Variants in RAD51B observed in about 807,000 individuals in gnomAD.
RAD51B encodes the protein DNA repair protein RAD51 homolog 2.
A neutral mutation model predicts 42.2 loss-of-function variants in RAD51B; 38 were observed. The observed-to-expected ratio is 0.90, with a 90% CI of 0.70 to 1.18. The LOEUF (loss-of-function observed/expected upper bound fraction) is 1.18. Among genes scored for constraint, RAD51B ranks in the 50% most tolerant of loss-of-function variants. RAD51B has a pLI of 0.00. For synonymous variants in RAD51B, 154 were observed against 145.2 expected (o/e 1.06, Z -0.43); for missense variants, 373 against 400.7 (o/e 0.93, Z 0.59).
rs550759458 is a variant in RAD51B at position 68,167,385 on chromosome 14, C to T, written c.757-124499C>T. Among the ~76,000 whole-genome samples, 19 of 152,288 alleles carry T rather than the reference C, an allele frequency of 1.2e-4. No homozygotes were observed. The East Asian group carries it at 3.3e-3, about 26-fold the overall frequency. ...AACTCCCTCCTTGTATCCCATCATA[C>T]CCTGTATATACTTCTTACATAGTTC... On this transcript the variant is annotated intron_variant, in intron 7 of 10. Coordinates refer to ENST00000471583, the MANE Select transcript of RAD51B (RefSeq NM_133510.4).
At chr14:67,844,813 C>G (rs796193537) in intron 4 of RAD51B, among the ~76,000 whole-genome samples, 9 of 152,102 alleles carry the variant, frequency 5.9e-5, no homozygotes, top group African/African-American at 1.7e-4. Flanking sequence ...TGTTCCCCTT[C>G]AAAAATGATG....
chr14:68,248,512 A>G (rs149874903), intron 7 of RAD51B, among the ~76,000 whole-genome samples: 4 of 151,906 alleles, frequency 2.6e-5, no homozygotes, highest in Non-Finnish European at 5.9e-5. Flanking sequence ...TCATGATTCT[A>G]CTTTTACTCT....
chr14:68,346,829 C>A (rs557125736), intron 8 of RAD51B, among the ~76,000 whole-genome samples: 6 of 152,292 alleles, frequency 3.9e-5, no homozygotes, highest in African/African-American at 1.4e-4. Context: ...TCCCAGTAAA[C>A]ACATACACTA....
chr14:68,248,160 A>G (rs995154019), intron 7 of RAD51B, among the ~76,000 whole-genome samples: 7 of 152,234 alleles, frequency 4.6e-5, no homozygotes, highest in Admixed American at 2.6e-4. Context: ...CAGAAGTAAT[A>G]ATACTTTAAA....
At chr14:68,521,336 G>T (rs868762779) in intron 10 of RAD51B, among the ~76,000 whole-genome samples, 1 of 152,202 alleles carries the variant, frequency 6.6e-6, no homozygotes. Flanking sequence ...GAGCCAGGCA[G>T]GCTGTCTGCA....
chr14:67,820,820 A>C (rs1469857057), intron 1 of RAD51B, among the ~76,000 whole-genome samples: 1 of 152,076 alleles, frequency 6.6e-6, no homozygotes, highest in African/African-American at 2.4e-5. Flanking sequence ...GAGTCCTTTA[A>C]CCTCCACTAC....
In RAD51B at chr14:67,926,558, C is replaced by CTTTT. The variant is rs534207569; in HGVS notation, c.756+39375_756+39378dup. Among the ~76,000 whole-genome samples the CTTTT allele has an allele frequency of 5.5e-3, 472 of 85,124 alleles. 13 individuals carry two copies. The highest frequency in any genetic ancestry group is 7.6e-3 in the Non-Finnish European group (344 of 45,184). 55.8% of individuals were successfully genotyped at this position (85,124 alleles called of 152,430 possible). On this transcript the variant is annotated intron_variant, in intron 7 of 10. Transcript: ENST00000471583. ...TGCCAGTGTTGAAGGGATATGTTTC[C>CTTTT]TTTTTTTTTTTTTTTTTTTTTTTTG...
chr14:67,990,357 A>G (rs1595216701), intron 7 of RAD51B, among the ~76,000 whole-genome samples: 1 of 152,348 alleles, frequency 6.6e-6, no homozygotes, highest in East Asian at 1.9e-4. Context: ...AAAACAAACC[A>G]ACAAAATTCT....
chr14:68,426,024 C>CTTTT lies in RAD51B; in HGVS notation c.957+14500_957+14501insTTTT, dbSNP rs2084838583. Among the ~76,000 whole-genome samples the CTTTT allele has an allele frequency of 5.5e-5, 8 of 146,748 alleles. No individual in the cohort carries two copies. The South Asian group carries it at 1.7e-3, about 32-fold the overall frequency. Reference sequence around the variant, plus strand: ...CCTTCCTTCCTTTCTTTCTTTCTTTCTTTCTCTCTTTCTTTCTCTCTTTCT... The same window carrying CTTTT: ...CCTTCCTTCCTTTCTTTCTTTCTTTCTTTTTTTCTCTCTTTCTTTCTCTCTTTCT... On this transcript the variant is annotated intron_variant, in intron 9 of 10. Coordinates refer to ENST00000471583, the MANE Select transcript of RAD51B (RefSeq NM_133510.4).
intron 8 of RAD51B, among the ~76,000 whole-genome samples, chr14:68,293,370 G>T (rs1463071076): frequency 6.6e-6 from 1 of 152,216 alleles, no homozygotes; most frequent in East Asian, 1.9e-4. Flanking sequence ...TTATACCATG[G>T]AAATCAGCAA....
At chr14:68,200,403 T>TA (rs1247145070) in intron 7 of RAD51B, among the ~76,000 whole-genome samples, 1 of 152,226 alleles carries the variant, frequency 6.6e-6, no homozygotes, top group Non-Finnish European at 1.5e-5. Context: ...TGCTTTTATT[T>TA]AAAGTATTAC....
At chr14:68,384,344 A>C (rs1194440689) in intron 8 of RAD51B, among the ~76,000 whole-genome samples, 1 of 152,210 alleles carries the variant, frequency 6.6e-6, no homozygotes, top group East Asian at 1.9e-4. Context: ...ACCAACACTC[A>C]AAAGTACAAG....
At chr14:68,464,843 T>C (rs1024368847) in intron 9 of RAD51B, among the ~76,000 whole-genome samples, 1 of 152,256 alleles carries the variant, frequency 6.6e-6, no homozygotes, top group African/African-American at 2.4e-5. Flanking sequence ...ACACAGATCA[T>C]CCTTTTGATG....
chr14:68,064,483 C>T (rs2076618189), intron 7 of RAD51B, among the ~76,000 whole-genome samples: 1 of 152,098 alleles, frequency 6.6e-6, no homozygotes, highest in South Asian at 2.1e-4. Flanking sequence ...ATTTAGATGT[C>T]TATATCTCTC....
intron 10 of RAD51B, among the ~76,000 whole-genome samples, chr14:68,488,095 A>G (rs1228496335): frequency 1.3e-5 from 2 of 152,054 alleles, no homozygotes; most frequent in African/African-American, 4.8e-5. Context: ...TGGATACATG[A>G]ATGGATGGTT....
chr14:68,177,949 GGT>G (rs1400882233), intron 7 of RAD51B, among the ~76,000 whole-genome samples: 1 of 152,132 alleles, frequency 6.6e-6, no homozygotes, highest in Non-Finnish European at 1.5e-5. Flanking sequence ...TTGCTTCAAA[GGT>G]GGCAGCTCAT....
intron 10 of RAD51B, among the ~76,000 whole-genome samples, chr14:68,509,085 G>T (rs1381718987): frequency 1.3e-5 from 2 of 152,260 alleles, no homozygotes; most frequent in Admixed American, 6.5e-5. Context: ...TTGAGTGAGG[G>T]CCCAGCTAGG....
chr14:68,188,045 C>A (rs1194514703), intron 7 of RAD51B, among the ~76,000 whole-genome samples: 1 of 152,136 alleles, frequency 6.6e-6, no homozygotes, highest in Non-Finnish European at 1.5e-5. Flanking sequence ...GAACTCCTGA[C>A]CTCAAGTCAT....
chr14:68,123,219 G>T (rs1380800181), intron 7 of RAD51B, among the ~76,000 whole-genome samples: 1 of 133,512 alleles, frequency 7.5e-6, no homozygotes, highest in African/African-American at 2.9e-5. Flanking sequence ...TTGAGACAGA[G>T]CTGTCTCCTC....
Sources: gnomAD v4.1 joint callset for allele counts (sites outside exome capture counted in the v4.1 genomes callset) on GRCh38, gnomAD v4.1.1 for gene constraint, MANE v1.5 for transcripts, NCBI Gene and HGNC (gene_info 2026-07-23, HGNC 2026-07-21) for gene names.